Variants in SAMD4A observed in about 807,000 individuals in gnomAD.
SAMD4A encodes sterile alpha motif domain containing 4A, also known as protein Smaug homolog 1.
A neutral mutation model predicts 81.3 loss-of-function variants in SAMD4A; 33 were observed. That is an observed-to-expected ratio of 0.41 (90% CI 0.31 to 0.54). The LOEUF is 0.54. SAMD4A is among the 20% of genes least tolerant of loss of function. SAMD4A has a pLI of 0.37. For missense variants in SAMD4A, 854 were observed against 951.1 expected (o/e 0.90, Z 1.34); for synonymous variants, 389 against 382.1 (o/e 1.02, Z -0.21).
At chr14:54,670,185 C>T (rs2035849690) in intron 2 of SAMD4A, among the ~76,000 whole-genome samples, 1 of 152,172 alleles carries the variant, frequency 6.6e-6, no homozygotes, top group African/African-American at 2.4e-5. Flanking sequence ...TTCCCCGCCC[C>T]CATCTGCACC....
At chr14:54,748,688 T>G in intron 4 of SAMD4A, 127 bp from the exon 5 acceptor site, 1 of 642,280 alleles carries the variant, frequency 1.6e-6, no homozygotes. Context: ...AACATAAAGG[T>G]GTTACTTTTT....
Position 54,776,415 on chromosome 14 carries a change from A to T in SAMD4A, c.1919A>T (p.Asn640Ile). The change falls in exon 11 of 13, where the codon AAC (asparagine) becomes ATC (isoleucine). Residue 640 changes from asparagine (N) to isoleucine (I), a missense_variant and splice_region_variant. Around this residue, in one of 3 missense-constraint regions of SAMD4A, gnomAD observed 428 missense variants for 471.2 expected, o/e 0.91. Coordinates refer to ENST00000554335, the MANE Select transcript of SAMD4A (RefSeq NM_015589.6). The part of the protein sequence containing the change: ...TPTIMKQGRQ[N>I]LWFANPGGSN... ...TTCCCCTTTTGCTTTTCTCACCAGA[A>T]CCTGTGGTTTGCCAACCCCGGGGGC... The T allele has an allele frequency of 6.3e-7, 1 of 1,590,260 alleles. No homozygotes were observed. Among genetic ancestry groups the T allele is most frequent in the Non-Finnish European group, 8.5e-7 (1 of 1,169,652 alleles).
At chr14:54,642,302 G>A (rs1039034053) in intron 2 of SAMD4A, among the ~76,000 whole-genome samples, 1 of 152,146 alleles carries the variant, frequency 6.6e-6, no homozygotes, top group African/African-American at 2.4e-5. Flanking sequence ...TCCTAGGGGA[G>A]CACAGACTAC....
chr14:54,767,717 TG>T (rs2038589517), intron 8 of SAMD4A, among the ~76,000 whole-genome samples: 1 of 152,194 alleles, frequency 6.6e-6, no homozygotes, highest in African/African-American at 2.4e-5. Flanking sequence ...CAGCCCAACC[TG>T]GGGCTGCCAG....
intron 3 of SAMD4A, among the ~76,000 whole-genome samples, chr14:54,731,269 T>C (rs1262054334): frequency 6.6e-6 from 1 of 152,262 alleles, no homozygotes; most frequent in East Asian, 1.9e-4. Context: ...TTAAGAATTA[T>C]ATGCTGTGAA....
intron 6 of SAMD4A, among the ~76,000 whole-genome samples, chr14:54,758,419 A>C (rs1172724051): frequency 6.6e-6 from 1 of 152,234 alleles, no homozygotes; most frequent in Non-Finnish European, 1.5e-5. Context: ...ATCACATTTC[A>C]TATGTTTGCA....
chr14:54,591,615 G>T (rs1022287969), intron 2 of SAMD4A, among the ~76,000 whole-genome samples: 2 of 151,688 alleles, frequency 1.3e-5, no homozygotes, highest in Non-Finnish European at 2.9e-5. Context: ...TGAAATTGGC[G>T]TATCAGTCAG....
In SAMD4A at chr14:54,567,964, C is replaced by G. The variant is rs373953048; in HGVS notation, c.48C>G (p.Gly16=). The G allele has an allele frequency of 6.2e-7, 1 of 1,610,492 alleles. No individual in the cohort carries two copies. Among genetic ancestry groups the G allele is most frequent in the Non-Finnish European group, 8.5e-7 (1 of 1,179,506 alleles). ...GGGTGCTGGCGGGCTGGTTTAAGGG[C>G]TGGAACGAGTGCGAGCAGACTGTTG... ...QVGVLAGWFK[G]WNECEQTVAL... is the part of the protein sequence containing the mutation. The change falls in exon 2 of 13, where the codon GGC becomes GGG. Residue 16 remains glycine (G), a synonymous_variant. Coordinates refer to ENST00000554335, the MANE Select transcript of SAMD4A (RefSeq NM_015589.6).
chr14:54,776,293 G>A, intron 10 of SAMD4A, 121 bp from the exon 11 acceptor site: 2 of 1,032,496 alleles, frequency 1.9e-6, no homozygotes, highest in Non-Finnish European at 2.8e-6. Context: ...TGGCCTGCAA[G>A]CCCCTTTTCT....
chr14:54,776,795 T>C (rs1391751974), intron 11 of SAMD4A, among the ~76,000 whole-genome samples: 2 of 152,090 alleles, frequency 1.3e-5, no homozygotes, highest in Non-Finnish European at 2.9e-5. Context: ...TCTAGATTGA[T>C]TAAACCAGAG....
intron 3 of SAMD4A, among the ~76,000 whole-genome samples, chr14:54,719,862 C>T (rs1250945155): frequency 3.3e-5 from 5 of 152,168 alleles, no homozygotes; most frequent in African/African-American, 9.7e-5. Flanking sequence ...TTCTATTCTC[C>T]TACTCCCATC....
chr14:54,574,263 G>A (rs912584659), intron 2 of SAMD4A, among the ~76,000 whole-genome samples: 3 of 152,200 alleles, frequency 2.0e-5, no homozygotes, highest in African/African-American at 7.2e-5. Flanking sequence ...AAGTGCTGTG[G>A]TTCTGATTAG....
chr14:54,632,843 T>TTG, intron 2 of SAMD4A, among the ~76,000 whole-genome samples: 1 of 152,354 alleles, frequency 6.6e-6, no homozygotes, highest in East Asian at 1.9e-4. Context: ...CATAAGGTTG[T>TTG]TGTTAGGCAC....
chr14:54,744,062 G>A (rs963870288), intron 4 of SAMD4A, among the ~76,000 whole-genome samples: 2 of 152,182 alleles, frequency 1.3e-5, no homozygotes, highest in African/African-American at 2.4e-5. Flanking sequence ...GAGCTTTTGA[G>A]AGCAGTCTGG....
At chr14:54,765,213 T>G (rs1194756598) in intron 8 of SAMD4A, among the ~76,000 whole-genome samples, 2 of 152,070 alleles carry the variant, frequency 1.3e-5, no homozygotes, top group African/African-American at 4.8e-5. Context: ...AGTGGCTCCT[T>G]GGGCACCCCT....
intron 2 of SAMD4A, among the ~76,000 whole-genome samples, chr14:54,586,371 G>A (rs1045377426): frequency 2.0e-5 from 3 of 152,176 alleles, no homozygotes; most frequent in African/African-American, 7.2e-5. Context: ...CTCCCACTCT[G>A]TGGGTTATCT....
intron 3 of SAMD4A, among the ~76,000 whole-genome samples, chr14:54,716,863 G>A (rs1450047836): frequency 1.3e-5 from 2 of 152,076 alleles, no homozygotes; most frequent in Admixed American, 6.6e-5. Context: ...TTTATATGAA[G>A]TTGCGGGGCA....
intron 5 of SAMD4A, among the ~76,000 whole-genome samples, chr14:54,750,205 C>G (rs536289362): frequency 6.6e-6 from 1 of 152,280 alleles, no homozygotes; most frequent in African/African-American, 2.4e-5. Context: ...AGCCAGAGGC[C>G]AGCACAACCT....
chr14:54,588,257 A>G (rs2033678513), intron 2 of SAMD4A, among the ~76,000 whole-genome samples: 1 of 151,696 alleles, frequency 6.6e-6, no homozygotes, highest in Admixed American at 6.6e-5. Flanking sequence ...AATTGAGCTT[A>G]TTTGGATCCT....
Sources: gnomAD v4.1 joint callset for allele counts (sites outside exome capture counted in the v4.1 genomes callset) on GRCh38, gnomAD v4.1.1 for gene constraint, gnomAD v4.1.1 regional missense constraint, MANE v1.5 for transcripts, NCBI Gene and HGNC (gene_info 2026-07-23, HGNC 2026-07-21) for gene names.